The following FRK variants were observed in gnomAD, a reference collection of about 807,000 sequenced individuals.
FRK encodes tyrosine-protein kinase FRK.
Under a neutral mutation model 56.4 loss-of-function variants are expected in FRK, and 51 were observed. That is an observed-to-expected ratio of 0.90 (90% CI 0.72 to 1.14). The LOEUF is 1.14. Ranked by LOEUF, FRK falls within the 50% of genes most tolerant of loss-of-function variation. FRK has a pLI of 0.00. For synonymous variants in FRK, 245 were observed against 217.9 expected (o/e 1.12, Z -1.10); for missense variants, 570 against 601.4 (o/e 0.95, Z 0.55).
chr6:116,062,739 G>A (rs186866126), upstream of FRK, among the ~76,000 whole-genome samples: 4 of 152,276 alleles, frequency 2.6e-5, no homozygotes, highest in Admixed American at 2.0e-4. Flanking sequence ...CTGAGGGGTG[G>A]AAAGAGAGAA....
At chr6:116,085,821 T>A in the FRK span, among the ~76,000 whole-genome samples, 1 of 152,020 alleles carries the variant, frequency 6.6e-6, no homozygotes, top group Non-Finnish European at 1.5e-5. Flanking sequence ...CTCCTTGGAG[T>A]ACTCTCAGAT....
intron 2 of FRK, among the ~76,000 whole-genome samples, chr6:115,997,163 G>T: frequency 6.6e-6 from 1 of 152,102 alleles, no homozygotes; most frequent in East Asian, 1.9e-4. Context: ...TTTCTAAAAA[G>T]GCAGTTCTAC....
chr6:115,998,626 C>T (rs1774932730), intron 2 of FRK, among the ~76,000 whole-genome samples: 1 of 152,216 alleles, frequency 6.6e-6, no homozygotes, highest in African/African-American at 2.4e-5. Flanking sequence ...AGATTTGGCC[C>T]CTGCCCTCTC....
At chr6:116,088,326 T>TA in the FRK span, among the ~76,000 whole-genome samples, 7 of 151,764 alleles carry the variant, frequency 4.6e-5, no homozygotes, top group African/African-American at 7.3e-5. Context: ...CAAATAGTAA[T>TA]AAAAAAAACA....
the FRK span, among the ~76,000 whole-genome samples, chr6:116,095,554 C>T: frequency 6.6e-6 from 1 of 152,128 alleles, no homozygotes; most frequent in Non-Finnish European, 1.5e-5. Flanking sequence ...CTATCAGTGC[C>T]CCTCAAAGCT....
Position 115,939,470 on chromosome 6 carries a change from A to G in FRK, c.*2944T>C, listed in dbSNP as rs773105473. 3.9e-5 allele frequency: 6 copies of G among 152,220 alleles called. No homozygotes were observed. The highest frequency in any genetic ancestry group is 7.3e-5 in the Non-Finnish European group (5 of 68,048). The allele number at this position is 152,220 out of a possible 1,614,324, so 9.4% of individuals were successfully genotyped here. A position where few individuals can be genotyped will look rare whatever the true frequency, so the allele number is the denominator to read the frequency against. On this transcript the variant is annotated 3_prime_UTR_variant, in exon 8 of 8. Transcript: ENST00000606080. Reference sequence around the variant, plus strand: ...CACTCCTGTTCAAAATAGTATTGAAAGTTCTGGCCAGGGCAATCAGGCAAG... The same window carrying G: ...CACTCCTGTTCAAAATAGTATTGAAGGTTCTGGCCAGGGCAATCAGGCAAG...
chr6:116,053,243 A>G (rs561357179), intron 1 of FRK, among the ~76,000 whole-genome samples: 62 of 152,200 alleles, frequency 4.1e-4, no homozygotes, highest in Admixed American at 5.9e-4. Flanking sequence ...AGAAGAACCC[A>G]AAGGCTGCTC....
chr6:116,059,934 G>T (rs1365739906), intron 1 of FRK, 34 bp downstream of exon 1: 2 of 1,542,150 alleles, frequency 1.3e-6, no homozygotes, highest in Admixed American at 1.7e-5. Flanking sequence ...CCCTCAGAGA[G>T]TTCAGAAATT....
intron 2 of FRK, among the ~76,000 whole-genome samples, chr6:115,988,863 T>A (rs1257885460): frequency 6.6e-6 from 1 of 152,036 alleles, no homozygotes; most frequent in Non-Finnish European, 1.5e-5. Flanking sequence ...TAGTTGTTAT[T>A]TACCTGAAAT....
chr6:116,016,587 C>A (rs1260274474), intron 1 of FRK, among the ~76,000 whole-genome samples: 3 of 151,832 alleles, frequency 2.0e-5, no homozygotes, highest in African/African-American at 4.8e-5. Flanking sequence ...CTGCAGATAC[C>A]AACATGGATG....
intron 4 of FRK, among the ~76,000 whole-genome samples, chr6:115,959,813 A>G (rs1210435105): frequency 1.3e-5 from 2 of 152,246 alleles, no homozygotes; most frequent in African/African-American, 4.8e-5. Context: ...AATTGTCTGA[A>G]GTCACAGAGG....
the FRK span, among the ~76,000 whole-genome samples, chr6:116,071,320 T>C: frequency 1.3e-5 from 2 of 152,204 alleles, no homozygotes; most frequent in Non-Finnish European, 2.9e-5. Flanking sequence ...AGGTATTCGC[T>C]ACTGGTTGAC....
At position 115,967,736 on chromosome 6, in the gene FRK, TA is replaced by T. The variant is rs778202012; in HGVS notation, c.631-18del. ...GACCTGGATCTGTTTCATAGAATAA[TA>T]AGAGCAATTGTTAAAAAAAAAAAAG... is the stretch of plus-strand genomic sequence containing the variant. On this transcript the variant is annotated intron_variant, in intron 3 of 7. Transcript: ENST00000606080. 9 of 1,478,442 alleles carry T rather than the reference TA, an allele frequency of 6.1e-6. No homozygotes were observed. In the African/African-American group the frequency reaches 1.5e-4, roughly 25 times the overall value. 91.6% of individuals were successfully genotyped at this position (1,478,442 alleles called of 1,614,324 possible).
intron 2 of FRK, among the ~76,000 whole-genome samples, chr6:115,992,728 T>C (rs1398831342): frequency 1.3e-5 from 2 of 151,794 alleles, no homozygotes; most frequent in Admixed American, 1.3e-4. Flanking sequence ...CAATAGCTTA[T>C]GTCATAGCAT....
intron 1 of FRK, among the ~76,000 whole-genome samples, chr6:116,020,789 A>AT (rs1287047458): frequency 1.3e-5 from 2 of 152,166 alleles, no homozygotes; most frequent in African/African-American, 4.8e-5. Flanking sequence ...TATAATAGGC[A>AT]TTTTTTAACT....
chr6:116,073,659 A>G, the FRK span, among the ~76,000 whole-genome samples: 2 of 152,204 alleles, frequency 1.3e-5, no homozygotes, highest in African/African-American at 4.8e-5. Flanking sequence ...AGAAGCCTCT[A>G]CAGCCCATGA....
chr6:116,056,619 T>C (rs1171838177), intron 1 of FRK, among the ~76,000 whole-genome samples: 1 of 152,248 alleles, frequency 6.6e-6, no homozygotes, highest in Non-Finnish European at 1.5e-5. Flanking sequence ...TTGGTTCTAA[T>C]ATTTATATGT....
At chr6:116,008,067 C>G (rs1775318446) in intron 1 of FRK, among the ~76,000 whole-genome samples, 1 of 152,042 alleles carries the variant, frequency 6.6e-6, no homozygotes, top group Non-Finnish European at 1.5e-5. Context: ...ATTATGTCTC[C>G]TATATATCAT....
intron 1 of FRK, among the ~76,000 whole-genome samples, chr6:116,005,276 G>A (rs1051273800): frequency 1.3e-4 from 20 of 152,128 alleles, no homozygotes; most frequent in Non-Finnish European, 2.6e-4. Flanking sequence ...AAATCTCAGT[G>A]GTTTAAGACA....
Sources: gnomAD v4.1 joint callset for allele counts (sites outside exome capture counted in the v4.1 genomes callset) on GRCh38, gnomAD v4.1.1 for gene constraint, MANE v1.5 for transcripts, NCBI Gene and HGNC (gene_info 2026-07-23, HGNC 2026-07-21) for gene names.